Variants in SUGCT observed in about 807,000 individuals in gnomAD.
SUGCT encodes succinyl-CoA:glutarate-CoA transferase, also known as succinyl-CoA:glutarate CoA-transferase.
SUGCT carries 41 observed loss-of-function variants against 55.0 expected under a neutral mutation model. That is an observed-to-expected ratio of 0.74 (90% CI 0.58 to 0.97). The LOEUF is 0.97. Ranked by LOEUF, SUGCT falls within the 50% of genes least tolerant of loss-of-function variation. The pLI is 0.00. For missense variants in SUGCT, 568 were observed against 547.8 expected, an observed-to-expected ratio of 1.04 and a Z score of -0.37; for synonymous variants, 187 against 200.4, an observed-to-expected ratio of 0.93 and a Z score of 0.56.
At chr7:40,728,162 T>C (rs1394965700) in intron 12 of SUGCT, among the ~76,000 whole-genome samples, 2 of 152,212 alleles carry the variant, frequency 1.3e-5, no homozygotes, top group African/African-American at 2.4e-5. Flanking sequence ...ATTTATACCT[T>C]TACCTTCAAG....
intron 12 of SUGCT, among the ~76,000 whole-genome samples, chr7:40,563,231 C>T (rs1238462074): frequency 2.0e-5 from 3 of 152,120 alleles, no homozygotes; most frequent in Non-Finnish European, 2.9e-5. Context: ...GTTCCATCCT[C>T]GGACTTGAAA....
the SUGCT span, among the ~76,000 whole-genome samples, chr7:41,037,315 G>T: frequency 6.6e-6 from 1 of 151,788 alleles, no homozygotes; most frequent in Admixed American, 6.6e-5. Context: ...GGTCTCACTT[G>T]CATGCCTGTC....
intron 8 of SUGCT, among the ~76,000 whole-genome samples, chr7:40,294,241 C>T (rs1026346290): frequency 3.3e-5 from 5 of 152,010 alleles, no homozygotes; most frequent in African/African-American, 1.2e-4. Context: ...TGAGCTACCG[C>T]GTCTGGCCTA....
At chr7:40,751,772 C>T (rs1788023754) in intron 13 of SUGCT, among the ~76,000 whole-genome samples, 1 of 152,120 alleles carries the variant, frequency 6.6e-6, no homozygotes, top group Admixed American at 6.6e-5. Flanking sequence ...GTATCCCCAA[C>T]ACATTAGAGA....
At chr7:40,858,403 C>CAAAAAAAAAAA (rs58628576) in intron 13 of SUGCT, among the ~76,000 whole-genome samples, 11 of 34,750 alleles carry the variant, frequency 3.2e-4, no homozygotes, top group South Asian at 1.2e-3. Flanking sequence ...AATTCCATCT[C>CAAAAAAAAAAA]AAAAAAAAAA....
chr7:40,237,746 A>C lies in SUGCT; in HGVS notation c.576+20A>C. On this transcript the variant is annotated intron_variant, in intron 7 of 13. Coordinates refer to ENST00000335693, the MANE Select transcript of SUGCT (RefSeq NM_001193313.2). Reference sequence around the variant, plus strand: ...CCTGAGGTAGGTATCCTTCCTTAGAATATTCATAATTTCTTCCCTTACATA... The same window carrying C: ...CCTGAGGTAGGTATCCTTCCTTAGACTATTCATAATTTCTTCCCTTACATA... 1 of 1,596,220 alleles carries C rather than the reference A, an allele frequency of 6.3e-7. No individual in the cohort carries two copies.
At chr7:40,367,106 T>G (rs1352734669) in intron 9 of SUGCT, among the ~76,000 whole-genome samples, 1 of 152,060 alleles carries the variant, frequency 6.6e-6, no homozygotes, top group Non-Finnish European at 1.5e-5. Flanking sequence ...TGAGTTCATG[T>G]CCTTTGTAGG....
At chr7:40,988,318 A>G in the SUGCT span, among the ~76,000 whole-genome samples, 1 of 150,344 alleles carries the variant, frequency 6.7e-6, no homozygotes, top group African/African-American at 2.5e-5. Context: ...TGGAGATAAG[A>G]CCTTAGGGTA....
At chr7:40,895,158 G>A in the SUGCT span, among the ~76,000 whole-genome samples, 1 of 152,142 alleles carries the variant, frequency 6.6e-6, no homozygotes, top group Non-Finnish European at 1.5e-5. Flanking sequence ...CATGACCTTT[G>A]CAGCAACATA....
chr7:40,658,606 G>A (rs907662174), intron 12 of SUGCT, among the ~76,000 whole-genome samples: 5 of 152,116 alleles, frequency 3.3e-5, no homozygotes, highest in Non-Finnish European at 4.4e-5. Context: ...GCTGTACTCC[G>A]ATTTGATCTA....
Position 40,529,468 on chromosome 7 carries a change from G to A in SUGCT, c.1089+33082G>A, listed in dbSNP as rs75275224. Among the ~76,000 whole-genome samples, 474 of 152,312 alleles carry A rather than the reference G, an allele frequency of 3.1e-3. 7 individuals are homozygous for A. The highest frequency in any genetic ancestry group is 0.03 in the East Asian group (154 of 5,176). On this transcript the variant is annotated intron_variant, in intron 12 of 13. Coordinates refer to ENST00000335693, the MANE Select transcript of SUGCT (RefSeq NM_001193313.2). Reference sequence around the variant, plus strand: ...CACCAACAGGTGCAGTGGCAATTCCGTGGTCATCAGGTGTGGGTACCGTTA... The same window carrying A: ...CACCAACAGGTGCAGTGGCAATTCCATGGTCATCAGGTGTGGGTACCGTTA...
At chr7:40,575,074 C>A (rs1222942857) in intron 12 of SUGCT, among the ~76,000 whole-genome samples, 1 of 141,044 alleles carries the variant, frequency 7.1e-6, no homozygotes, top group Non-Finnish European at 1.5e-5. Context: ...TTCAGTATGC[C>A]TATACTTCAA....
intron 12 of SUGCT, among the ~76,000 whole-genome samples, chr7:40,576,754 T>C (rs1168856371): frequency 6.6e-6 from 1 of 152,186 alleles, no homozygotes; most frequent in Non-Finnish European, 1.5e-5. Context: ...AATATCAATA[T>C]ATGAAACAGA....
At chr7:40,888,130 G>T in the SUGCT span, among the ~76,000 whole-genome samples, 11 of 152,254 alleles carry the variant, frequency 7.2e-5, no homozygotes, top group East Asian at 2.1e-3. Context: ...AATATTGAAT[G>T]TCAGAGAATA....
chr7:40,905,261 G>T, the SUGCT span, among the ~76,000 whole-genome samples: 1 of 152,116 alleles, frequency 6.6e-6, no homozygotes, highest in Non-Finnish European at 1.5e-5. Flanking sequence ...GTGAGAAGAC[G>T]ATTCTGAACA....
intron 1 of SUGCT, among the ~76,000 whole-genome samples, chr7:40,179,742 T>G (rs769199592): frequency 6.6e-6 from 1 of 152,230 alleles, no homozygotes; most frequent in Non-Finnish European, 1.5e-5. Context: ...CTTCTCTCCA[T>G]GTGTTCTTTC....
intron 12 of SUGCT, among the ~76,000 whole-genome samples, chr7:40,625,096 A>G (rs1456320782): frequency 1.3e-5 from 2 of 152,082 alleles, no homozygotes; most frequent in Admixed American, 1.3e-4. Flanking sequence ...CATATCTCCT[A>G]AAAGGTTCCA....
chr7:41,015,784 T>G, the SUGCT span, among the ~76,000 whole-genome samples: 1 of 152,176 alleles, frequency 6.6e-6, no homozygotes, highest in African/African-American at 2.4e-5. Flanking sequence ...TATTTCTAGA[T>G]TTGTCTGTTT....
chr7:40,964,404 G>A, the SUGCT span, among the ~76,000 whole-genome samples: 1 of 152,200 alleles, frequency 6.6e-6, no homozygotes, highest in Non-Finnish European at 1.5e-5. Context: ...TAGATTGAAT[G>A]TATTGATCAG....
Sources: allele counts gnomAD v4.1 joint callset (sites outside exome capture counted in the v4.1 genomes callset), GRCh38; gene constraint gnomAD v4.1.1; transcripts MANE v1.5; gene names NCBI Gene and HGNC (gene_info 2026-07-23, HGNC 2026-07-21).